Variants in KCNQ1 observed in about 807,000 individuals in gnomAD.
KCNQ1 encodes potassium voltage-gated channel subfamily KQT member 1.
A neutral mutation model predicts 72.4 loss-of-function variants in KCNQ1; 49 were observed. That is an observed-to-expected ratio of 0.68 (90% CI 0.54 to 0.86). KCNQ1 has a LOEUF of 0.86. Ranked by LOEUF, KCNQ1 falls within the 40% of genes least tolerant of loss-of-function variation. KCNQ1 has a pLI of 0.00. For synonymous variants in KCNQ1, 450 were observed against 412.6 expected (o/e 1.09, Z -1.10); for missense variants, 790 against 945.1 (o/e 0.84, Z 2.15).
chr11:2,618,127 A>G (rs1229001164), intron 10 of KCNQ1: 1 of 397,922 alleles, frequency 2.5e-6, no homozygotes, highest in East Asian at 3.6e-5. Context: ...CTTTTCCCCT[A>G]TGTTTTCTTC....
At chr11:2,510,825 C>G (rs1030186329) in intron 1 of KCNQ1, among the ~76,000 whole-genome samples, 2 of 152,180 alleles carry the variant, frequency 1.3e-5, no homozygotes, top group African/African-American at 4.8e-5. Flanking sequence ...GGCCTTCCTC[C>G]GATCACAGTG....
chr11:2,559,364 T>C lies in KCNQ1; in HGVS notation c.478-11264T>C, dbSNP rs1848124648. Reference sequence around the variant, plus strand: ...CAGGGAGGATCAGGAAAGCCCTGGATCTTGTTGACACCCCGGGATGTGCCC... The same window carrying C: ...CAGGGAGGATCAGGAAAGCCCTGGACCTTGTTGACACCCCGGGATGTGCCC... On this transcript the variant is annotated intron_variant, in intron 2 of 15. Coordinates refer to ENST00000155840, the MANE Select transcript of KCNQ1 (RefSeq NM_000218.3). The surrounding 1 kb of genome is among the most constrained non-coding windows in gnomAD (Gnocchi z 4.9). Among the ~76,000 whole-genome samples, 2 of 152,018 alleles carry C rather than the reference T, an allele frequency of 1.3e-5. No individual in the cohort carries two copies. Among genetic ancestry groups the C allele is most frequent in the African/African-American group, 4.8e-5 (2 of 41,400 alleles).
At position 2,642,426 on chromosome 11, in the gene KCNQ1, A is replaced by G. The variant is rs751753279; in HGVS notation, c.1394-19535A>G. 1.3e-5 allele frequency: 5 copies of G among 398,032 alleles called. No individual in the cohort carries two copies. The South Asian group carries it at 5.1e-4, about 41-fold the overall frequency. The allele number at this position is 398,032 out of a possible 1,614,324, so 24.7% of individuals were successfully genotyped here. ...GCTGGTTCTTTATTGGTATATAGAA[A>G]TAAGCCTGATTTTTAAATCCTGTAA... On this transcript the variant is annotated intron_variant, in intron 10 of 15. Transcript: ENST00000155840. The surrounding 1 kb of genome is among the most constrained non-coding windows in gnomAD (Gnocchi z 4.3).
chr11:2,491,011 G>A lies in KCNQ1; in HGVS notation c.387-36917G>A, dbSNP rs542194540. Reference sequence around the variant, plus strand: ...GTGAGCCACTGCGCCTGGCCCCAAGGCAGTATTTTTATGAGTCTGCAAGAA... The same window carrying A: ...GTGAGCCACTGCGCCTGGCCCCAAGACAGTATTTTTATGAGTCTGCAAGAA... On this transcript the variant is annotated intron_variant, in intron 1 of 15. Transcript: ENST00000155840. The surrounding 1 kb of genome is among the most constrained non-coding windows in gnomAD (Gnocchi z 4.1). Among the ~76,000 whole-genome samples the A allele has an allele frequency of 6.6e-6, 1 of 152,146 alleles. No individual in the cohort carries two copies. Among genetic ancestry groups the A allele is most frequent in the Non-Finnish European group, 1.5e-5 (1 of 68,036 alleles).
Position 2,653,431 on chromosome 11 carries a change from G to C in KCNQ1, c.1394-8530G>C, listed in dbSNP as rs566507067. 13 of 398,668 alleles carry C rather than the reference G, an allele frequency of 3.3e-5. No individual in the cohort carries two copies. The East Asian group carries it at 3.9e-4, about 12-fold the overall frequency. The allele number at this position is 398,668 out of a possible 1,614,324, so 24.7% of individuals were successfully genotyped here. A position where few individuals can be genotyped will look rare whatever the true frequency, so the allele number is the denominator to read the frequency against. On this transcript the variant is annotated intron_variant, in intron 10 of 15. Transcript: ENST00000155840. This position sits in a 1 kb window ranked among gnomAD's most constrained non-coding sequence, Gnocchi z 5.3. ...GGAACCCCAACTCAAACAAGCTTAA[G>C]CACAAAAGGGACATTTTTTGGCTCA...
At chr11:2,763,812 C>T (rs1349278223) in intron 11 of KCNQ1, among the ~76,000 whole-genome samples, 2 of 152,068 alleles carry the variant, frequency 1.3e-5, no homozygotes, top group African/African-American at 4.8e-5. Context: ...TCCTCCCACC[C>T]CACCCTCCCA....
intron 9 of KCNQ1, 87 bp downstream of exon 9, chr11:2,587,779 A>T (rs566385961): frequency 3.8e-6 from 6 of 1,569,028 alleles, no homozygotes; most frequent in Non-Finnish European, 5.2e-6. Flanking sequence ...CTGGGATCTC[A>T]CCATGCATTT....
rs1209654813 is a variant in KCNQ1, at chr11:2,745,452, T to TG, written c.1515-23385dup. ...CTGGTATAAAGAAATGCCATTGATT[T>TG]GGGGGGGTTGATCTCACACCTGACA... On this transcript the variant is annotated intron_variant, in intron 11 of 15. Transcript: ENST00000155840. The surrounding 1 kb of genome is among the most constrained non-coding windows in gnomAD (Gnocchi z 6.2). Among the ~76,000 whole-genome samples, 6 of 152,230 alleles carry TG rather than the reference T, an allele frequency of 3.9e-5. No individual in the cohort carries two copies. Among genetic ancestry groups the TG allele is most frequent in the Middle Eastern group, 3.4e-3 (1 of 294 alleles).
At chr11:2,505,259 G>A (rs1847084035) in intron 1 of KCNQ1, among the ~76,000 whole-genome samples, 1 of 151,908 alleles carries the variant, frequency 6.6e-6, no homozygotes, top group South Asian at 2.1e-4. Context: ...AGAGTATGTT[G>A]TTTCATTTCC....
Position 2,663,260 on chromosome 11 carries a change from C to G in KCNQ1, c.1514+1179C>G, listed in dbSNP as rs1289175155. On this transcript the variant is annotated intron_variant, in intron 11 of 15. Coordinates refer to ENST00000155840, the MANE Select transcript of KCNQ1 (RefSeq NM_000218.3). The surrounding 1 kb of genome is among the most constrained non-coding windows in gnomAD (Gnocchi z 5.2). ...TCACTGGAAAGCAGGGGTGACTAGT[C>G]ATGGACACCCTGAGAATAGGGCTCT... 1 of 398,716 alleles carries G rather than the reference C, an allele frequency of 2.5e-6. No individual in the cohort carries two copies. The allele number at this position is 398,716 out of a possible 1,614,324, so 24.7% of individuals were successfully genotyped here.
intron 1 of KCNQ1, among the ~76,000 whole-genome samples, chr11:2,487,679 A>G (rs894204765): frequency 1.3e-5 from 2 of 152,174 alleles, no homozygotes; most frequent in Non-Finnish European, 2.9e-5. Context: ...CATTGTTAGC[A>G]TATAGAAATG....
chr11:2,775,855 G>A, intron 12 of KCNQ1, 105 bp from the exon 13 acceptor site: 1 of 1,097,576 alleles, frequency 9.1e-7, no homozygotes, highest in Non-Finnish European at 1.4e-6. Flanking sequence ...CGAGCTCCCA[G>A]GTCTTCACAA....
chr11:2,467,827 G>T lies in KCNQ1; in HGVS notation c.386+22343G>T, dbSNP rs1846373747. Among the ~76,000 whole-genome samples, 3 of 152,252 alleles carry T rather than the reference G, an allele frequency of 2.0e-5. No homozygotes were observed. In the South Asian group the frequency reaches 6.2e-4, roughly 32 times the overall value. ...CAGGCCAGGTGGATTCAAGGTGTGG[G>T]GCAGGGTAGGAGCTGGGCACTGCTG... On this transcript the variant is annotated intron_variant, in intron 1 of 15. Coordinates refer to ENST00000155840, the MANE Select transcript of KCNQ1 (RefSeq NM_000218.3).
rs1849589807 is a variant in KCNQ1 at position 2,642,121 on chromosome 11, TC to T, written c.1394-19839del. On this transcript the variant is annotated intron_variant, in intron 10 of 15. Coordinates refer to ENST00000155840, the MANE Select transcript of KCNQ1 (RefSeq NM_000218.3). This position sits in a 1 kb window ranked among gnomAD's most constrained non-coding sequence, Gnocchi z 4.3. ...CTATTCCAGCTCTTTTTTGGTTCCA[TC>T]TGAATTTTAGGATTTTTTCTATTTC... 2 of 398,346 alleles carry T rather than the reference TC, an allele frequency of 5.0e-6. No homozygotes were observed. Among genetic ancestry groups the T allele is most frequent in the Non-Finnish European group, 8.9e-6 (2 of 225,968 alleles). The allele number at this position is 398,346 out of a possible 1,614,324, so 24.7% of individuals were successfully genotyped here. A position where few individuals can be genotyped will look rare whatever the true frequency, so the allele number is the denominator to read the frequency against.
chr11:2,628,445 A>G (rs1198627630), intron 10 of KCNQ1: 1 of 398,464 alleles, frequency 2.5e-6, no homozygotes, highest in East Asian at 3.6e-5. Context: ...CTTTGAATAA[A>G]TGTCTATTCA....
At chr11:2,844,342 G>A (rs573914250) in intron 15 of KCNQ1, among the ~76,000 whole-genome samples, 40 of 152,190 alleles carry the variant, frequency 2.6e-4, no homozygotes, top group Admixed American at 9.8e-4. Context: ...GCCCACCCCC[G>A]GGGCCTCTGT....
intron 15 of KCNQ1, among the ~76,000 whole-genome samples, chr11:2,797,127 C>T (rs1847152488): frequency 6.6e-6 from 1 of 152,086 alleles, no homozygotes; most frequent in Non-Finnish European, 1.5e-5. Flanking sequence ...GGACTCGGCC[C>T]AGAGCCTCGA....
chr11:2,772,897 A>G lies in KCNQ1; in HGVS notation c.1591-3063A>G, dbSNP rs1008609839. ...GCACCCAGATGGCTGGAGGTGCCCC[A>G]TGCTTCAGCTTCACAGAGCTCTGTG... is the stretch of plus-strand genomic sequence containing the variant. On this transcript the variant is annotated intron_variant, in intron 12 of 15. Coordinates refer to ENST00000155840, the MANE Select transcript of KCNQ1 (RefSeq NM_000218.3). This position sits in a 1 kb window ranked among gnomAD's most constrained non-coding sequence, Gnocchi z 6.6. 1.3e-5 allele frequency among the ~76,000 whole-genome samples: 2 copies of G among 151,988 alleles called. No individual in the cohort carries two copies. The highest frequency in any genetic ancestry group is 2.9e-5 in the Non-Finnish European group (2 of 67,980).
rs1849003730 is a variant in KCNQ1 at position 2,612,886 on chromosome 11, T to C, written c.1393+24032T>C. The C allele has an allele frequency of 2.5e-6, 1 of 398,510 alleles. No homozygotes were observed. Among genetic ancestry groups the C allele is most frequent in the Non-Finnish European group, 4.4e-6 (1 of 226,060 alleles). The allele number at this position is 398,510 out of a possible 1,614,324, so 24.7% of individuals were successfully genotyped here. On this transcript the variant is annotated intron_variant, in intron 10 of 15. Coordinates refer to ENST00000155840, the MANE Select transcript of KCNQ1 (RefSeq NM_000218.3). This position sits in a 1 kb window ranked among gnomAD's most constrained non-coding sequence, Gnocchi z 5.5. ...AGTTCTTCTCCCTAACCAGGGATGA[T>C]TTCTGTTACTCATTTATTTGTTTGC...
Sources: allele counts gnomAD v4.1 joint callset (sites outside exome capture counted in the v4.1 genomes callset), GRCh38; gene constraint gnomAD v4.1.1; non-coding constraint Gnocchi (gnomAD v3.1); transcripts MANE v1.5; gene names NCBI Gene and HGNC (gene_info 2026-07-23, HGNC 2026-07-21).